Variants in HS3ST4 observed in about 807,000 individuals in gnomAD.
The protein encoded by HS3ST4 is heparan sulfate glucosamine 3-O-sulfotransferase 4.
In HS3ST4, 17 loss-of-function variants were observed where a neutral mutation model predicts 29.2. The observed-to-expected ratio is 0.58, with a 90% CI of 0.40 to 0.87. The LOEUF is 0.87. Ranked by LOEUF, HS3ST4 falls within the 40% of genes least tolerant of loss-of-function variation. HS3ST4 has a pLI of 0.00. For missense variants in HS3ST4, 627 were observed against 634.5 expected (o/e 0.99, Z 0.13); for synonymous variants, 314 against 285.7 (o/e 1.10, Z -1.00).
chr16:25,983,053 T>C (rs4638585), intron 1 of HS3ST4, among the ~76,000 whole-genome samples: 141,936 of 152,208 alleles, frequency 0.93, 66,316 homozygotes, highest in African/African-American at 0.97. Flanking sequence ...GAGGGAGATA[T>C]GTGATGTCCA....
chr16:25,931,619 G>A (rs1272114532), intron 1 of HS3ST4, among the ~76,000 whole-genome samples: 1 of 152,218 alleles, frequency 6.6e-6, no homozygotes, highest in African/African-American at 2.4e-5. Context: ...CATTATGCAG[G>A]ATGGAGACAA....
chr16:25,847,494 G>A (rs891145645), intron 1 of HS3ST4, among the ~76,000 whole-genome samples: 1 of 152,096 alleles, frequency 6.6e-6, no homozygotes, highest in Non-Finnish European at 1.5e-5. Context: ...GTTTGTTTTT[G>A]ACTTGGTGCA....
At chr16:26,119,049 T>C (rs1337891474) in intron 1 of HS3ST4, among the ~76,000 whole-genome samples, 7 of 152,236 alleles carry the variant, frequency 4.6e-5, no homozygotes. Context: ...ACATTATTCT[T>C]ATCGTTAGAG....
At chr16:25,888,898 A>C (rs1412691242) in intron 1 of HS3ST4, among the ~76,000 whole-genome samples, 1 of 152,140 alleles carries the variant, frequency 6.6e-6, no homozygotes, top group Admixed American at 6.5e-5. Flanking sequence ...ACATCCATTA[A>C]ATCAGCTTCC....
intron 1 of HS3ST4, among the ~76,000 whole-genome samples, chr16:25,904,636 T>C (rs1968161991): frequency 6.6e-6 from 1 of 152,220 alleles, no homozygotes; most frequent in African/African-American, 2.4e-5. Flanking sequence ...CATTCATTTT[T>C]TCAATAAGTC....
Position 26,083,567 on chromosome 16 carries a change from T to C in HS3ST4, c.735-52045T>C, listed in dbSNP as rs7190228. On this transcript the variant is annotated intron_variant, in intron 1 of 1. Transcript: ENST00000331351. ...TGTCACAGCTACTCAATTCTTCTGG[T>C]GTAAAGTGAAACTGGCCACAGACAG... Among the ~76,000 whole-genome samples, 839 of 152,278 alleles carry C rather than the reference T, an allele frequency of 5.5e-3. 7 individuals are homozygous for C. Among genetic ancestry groups the C allele is most frequent in the African/African-American group, 0.019 (793 of 41,560 alleles).
At chr16:25,773,711 T>A (rs765662010) in intron 1 of HS3ST4, among the ~76,000 whole-genome samples, 1 of 152,228 alleles carries the variant, frequency 6.6e-6, no homozygotes, top group Non-Finnish European at 1.5e-5. Flanking sequence ...ATGAATTGTA[T>A]AGAGGTGGAC....
intron 1 of HS3ST4, among the ~76,000 whole-genome samples, chr16:26,056,705 G>A (rs1194762636): frequency 6.6e-6 from 1 of 152,154 alleles, no homozygotes; most frequent in Non-Finnish European, 1.5e-5. Context: ...AAATCACAAA[G>A]GACATCATTG....
chr16:25,941,207 C>T (rs1968568465), intron 1 of HS3ST4, among the ~76,000 whole-genome samples: 1 of 152,020 alleles, frequency 6.6e-6, no homozygotes, highest in South Asian at 2.1e-4. Context: ...CCCTTGTTTC[C>T]CAGGCTGGAA....
At chr16:26,131,169 C>T (rs1228723107) in intron 1 of HS3ST4, among the ~76,000 whole-genome samples, 1 of 152,216 alleles carries the variant, frequency 6.6e-6, no homozygotes, top group East Asian at 1.9e-4. Context: ...TCTCCACCTA[C>T]ACCCAGGCCC....
chr16:25,992,535 C>A (rs957550710), intron 1 of HS3ST4, among the ~76,000 whole-genome samples: 5 of 152,320 alleles, frequency 3.3e-5, no homozygotes, highest in African/African-American at 9.6e-5. Context: ...TGAAACCCAA[C>A]ACAGAAGAGT....
chr16:25,697,356 G>C (rs1165394166), intron 1 of HS3ST4, among the ~76,000 whole-genome samples: 1 of 152,188 alleles, frequency 6.6e-6, no homozygotes, highest in African/African-American at 2.4e-5. Context: ...GGTAGCTACT[G>C]TCTGTATGTG....
chr16:25,790,640 A>G (rs919854936), intron 1 of HS3ST4, among the ~76,000 whole-genome samples: 12 of 152,146 alleles, frequency 7.9e-5, no homozygotes, highest in Non-Finnish European at 1.5e-4. Flanking sequence ...GACCACTGAT[A>G]AGATTGACCA....
At chr16:25,841,240 C>T (rs1226574051) in intron 1 of HS3ST4, among the ~76,000 whole-genome samples, 3 of 151,900 alleles carry the variant, frequency 2.0e-5, no homozygotes, top group South Asian at 2.1e-4. Context: ...CTCCTGACCT[C>T]GTGATCCACC....
intron 1 of HS3ST4, among the ~76,000 whole-genome samples, chr16:25,780,060 T>C (rs919966065): frequency 1.3e-5 from 2 of 152,216 alleles, no homozygotes; most frequent in African/African-American, 4.8e-5. Flanking sequence ...AACAGTTGTT[T>C]CATGGATTTA....
chr16:26,029,504 C>G (rs1025114799), intron 1 of HS3ST4, among the ~76,000 whole-genome samples: 1 of 152,102 alleles, frequency 6.6e-6, no homozygotes, highest in African/African-American at 2.4e-5. Flanking sequence ...CCTCCGATTC[C>G]TGGGTTCAAG....
At chr16:25,922,578 G>C (rs1325521178) in intron 1 of HS3ST4, among the ~76,000 whole-genome samples, 4 of 152,198 alleles carry the variant, frequency 2.6e-5, no homozygotes, top group Admixed American at 6.5e-5. Flanking sequence ...TGAGAGAGAG[G>C]GTTGTTTATT....
intron 1 of HS3ST4, among the ~76,000 whole-genome samples, chr16:26,081,619 A>G (rs1898724617): frequency 6.6e-6 from 1 of 152,138 alleles, no homozygotes; most frequent in Admixed American, 6.5e-5. Context: ...AGGATTGACA[A>G]TGTCTAAACT....
intron 1 of HS3ST4, among the ~76,000 whole-genome samples, chr16:25,762,680 A>G (rs1482213147): frequency 6.6e-6 from 1 of 151,870 alleles, no homozygotes; most frequent in East Asian, 1.9e-4. Context: ...CAGCCTGGGC[A>G]ACATGGAGAA....
Sources: allele counts gnomAD v4.1 joint callset (sites outside exome capture counted in the v4.1 genomes callset), GRCh38; gene constraint gnomAD v4.1.1; transcripts MANE v1.5; gene names NCBI Gene and HGNC (gene_info 2026-07-23, HGNC 2026-07-21).